The following TCHH variants were observed in gnomAD, a reference collection of about 807,000 sequenced individuals.
TCHH encodes trichohyalin.
Under a neutral mutation model 6.3 loss-of-function variants are expected in TCHH, and 6 were observed. That is an observed-to-expected ratio of 0.95 (90% CI 0.52 to 1.88). The LOEUF is 1.88. TCHH is among the 40% of genes most tolerant of loss of function. The pLI is 0.01. For synonymous variants in TCHH, 1,087 were observed against 963.6 expected (o/e 1.13, Z -2.37); for missense variants, 2,920 against 2,449.1 (o/e 1.19, Z -4.06).
At chr1:152,113,412 T>C (rs992103041) in intron 2 of TCHH, among the ~76,000 whole-genome samples, 4 of 152,210 alleles carry the variant, frequency 2.6e-5, no homozygotes, top group African/African-American at 9.7e-5. Flanking sequence ...TGAACTTGTG[T>C]GTAAAATTAA....
At chr1:152,113,813 A>G (rs1658446333) in intron 2 of TCHH, 130 bp downstream of exon 2, 2 of 1,046,666 alleles carry the variant, frequency 1.9e-6, no homozygotes, top group Non-Finnish European at 2.8e-6. Flanking sequence ...TCAGAAATGA[A>G]TGGGGGATGT....
chr1:152,107,948 G>A lies in TCHH; in HGVS notation c.5269C>T (p.Pro1757Ser), dbSNP rs780384897. 5 of 1,610,286 alleles carry A rather than the reference G, an allele frequency of 3.1e-6. No homozygotes were observed. The South Asian group carries it at 4.4e-5, about 14-fold the overall frequency. The change falls in exon 3 of 3, where the codon CCG (proline) becomes TCG (serine). Residue 1757 changes from proline to serine, a missense_variant. By Grantham distance (74) the Pro-to-Ser change is moderately conservative. Transcript: ENST00000614923. ...CGCAGCTGCTGTTCTTCCCTTTCCGGACGGAGCTGCTCTTCCTCTAGGATT... is the reference window on the plus strand; with the variant it reads ...CGCAGCTGCTGTTCTTCCCTTTCCGAACGGAGCTGCTCTTCCTCTAGGATT... ...RKILEEEQLR[P>S]EREEQQLRRQ...
At position 152,112,579 on chromosome 1, in the gene TCHH, C is replaced by A. The variant is rs1312622556; in HGVS notation, c.638G>T (p.Arg213Leu). The change falls in exon 3 of 3, where the codon CGG (arginine) becomes CTG (leucine). Residue 213 changes from arginine (R) to leucine (L), a missense_variant. Coordinates refer to ENST00000614923, the MANE Select transcript of TCHH (RefSeq NM_007113.4). ...EFPDEEQLRR[R>L]ELLELRRKGR... ...CTTCCTCCTCAGCTCCAGCAGCTCC[C>A]GCCTTCGCAGTTGCTCTTCGTCTGG... The A allele has an allele frequency of 6.2e-7, 1 of 1,613,588 alleles. No individual in the cohort carries two copies. The highest frequency in any genetic ancestry group is 8.5e-7 in the Non-Finnish European group (1 of 1,180,010).
rs1467468345 is a variant in TCHH, at chr1:152,109,486, C to T, written c.3731G>A (p.Gly1244Asp). ...CTGCCGGAACTGTTCATTCTCTCTG[C>T]CTTTGCAGTAAACCTTGTTATCACG... ...AVRDNKVYCK[G>D]RENEQFRQLE... The change falls in exon 3 of 3, where the codon GGC becomes GAC. Residue 1244 changes from glycine to aspartate, a missense_variant. Gly to Asp is a moderately conservative substitution (Grantham distance 94). Transcript: ENST00000614923. 10 of 1,614,160 alleles carry T rather than the reference C, an allele frequency of 6.2e-6. No individual in the cohort carries two copies. The highest frequency in any genetic ancestry group is 1.1e-5 in the South Asian group (1 of 91,094).
rs566287410 is a variant in TCHH at position 152,112,158 on chromosome 1, G to A, written c.1059C>T (p.Arg353=). ...QEERREQQLR[R]EQEEERREQQ... ...GCTCGCGCCTCTCCTCCTCCTGCTC[G>A]CGCCTCAGCTGCTGCTCGCGCCTCT... The change falls in exon 3 of 3, where the codon CGC becomes CGT. Residue 353 remains arginine (R), a synonymous_variant. Transcript: ENST00000614923. 4.9e-6 allele frequency: 7 copies of A among 1,415,472 alleles called. No homozygotes were observed. In the African/African-American group the frequency reaches 9.9e-5, roughly 20 times the overall value. The allele number at this position is 1,415,472 out of a possible 1,614,324, so 87.7% of individuals were successfully genotyped here.
rs757065975 is a variant in TCHH, at chr1:152,108,850, C to T, written c.4367G>A (p.Arg1456His). Residue 1456 changes from arginine (R) to histidine (H), a missense_variant, in exon 3 of 3, where the codon CGC becomes CAC. Arg to His is a conservative substitution (Grantham distance 29). Coordinates refer to ENST00000614923, the MANE Select transcript of TCHH (RefSeq NM_007113.4). ...GCGGAATTTTCTGTGACGCTCCTGG[C>T]GCAGCTGCTGTTCCTCCTCCAGGAA... The part of the protein sequence containing the change: ...RKFLEEEQQL[R>H]QERHRKFREE... 6.8e-6 allele frequency: 11 copies of T among 1,610,688 alleles called. No homozygotes were observed. The highest frequency in any genetic ancestry group is 7.6e-6 in the Non-Finnish European group (9 of 1,179,416).
Position 152,108,107 on chromosome 1 carries a change from C to T in TCHH, c.5110G>A (p.Glu1704Lys), listed in dbSNP as rs372287777. Residue 1704 changes from glutamate (E) to lysine (K), a missense_variant, in exon 3 of 3, where the codon GAA becomes AAA. Coordinates refer to ENST00000614923, the MANE Select transcript of TCHH (RefSeq NM_007113.4). Reference sequence around the variant, plus strand: ...TCCTGGAGGAATTTTCTCTCTCGTTCCTGACGGCGGAGCTGCTGTTCCTCT... The same window carrying T: ...TCCTGGAGGAATTTTCTCTCTCGTTTCTGACGGCGGAGCTGCTGTTCCTCT... ...REEEQQLRRQ[E>K]RERKFLQEEQ... The T allele has an allele frequency of 4.3e-6, 7 of 1,612,874 alleles. No individual in the cohort carries two copies. The highest frequency in any genetic ancestry group is 2.2e-5 in the East Asian group (1 of 44,788).
rs781094842 is a variant in TCHH, at chr1:152,109,365, CCT to C, written c.3850_3851del (p.Arg1284AlafsTer75). ...AATGCCTGTCGCGCTGCTGCCAGCG[CCT>C]CCTCTCTTGCTCACGATCTCGCTCT... ...QQERDREQER[R>X]RWQQRDRHFP... On this transcript the variant is annotated frameshift_variant, in exon 3 of 3. Transcript: ENST00000614923. LOFTEE classifies it low-confidence loss of function (END_TRUNC). 1.2e-5 allele frequency: 20 copies of C among 1,614,256 alleles called. No individual in the cohort carries two copies. The highest frequency in any genetic ancestry group is 1.6e-5 in the Non-Finnish European group (19 of 1,180,048).
At position 152,107,843 on chromosome 1, in the gene TCHH, C is replaced by A. The variant is rs985783454; in HGVS notation, c.5374G>T (p.Glu1792Ter). 6.2e-7 allele frequency: 1 copy of A among 1,613,966 alleles called. No individual in the cohort carries two copies. The highest frequency in any genetic ancestry group is 1.6e-4 in the Middle Eastern group (1 of 6,062). ...TCCTCGCGGAATTTTCTGTCAGACT[C>A]TTGGCTGCGCAGCTGCTGTTCCTCC... ...EREEQQLRSQESDRKFREEEQ... is the reference protein window; with the variant it reads ...EREEQQLRSQ The change falls in exon 3 of 3, where the codon GAG (glutamate) becomes TAG (stop). Residue 1792 changes from glutamate to a stop codon, truncating the protein, a stop_gained. Transcript: ENST00000614923. LOFTEE classifies it low-confidence loss of function (END_TRUNC).
In TCHH at chr1:152,109,076, G is replaced by A; in HGVS notation, c.4141C>T (p.Gln1381Ter). The A allele has an allele frequency of 1.2e-6, 2 of 1,613,054 alleles. No individual in the cohort carries two copies. Among genetic ancestry groups the A allele is most frequent in the South Asian group, 2.2e-5 (2 of 91,026 alleles). ...EQGRKFLEEE[Q>*]RLRRQERERK... is the part of the protein sequence containing the mutation. Reference sequence around the variant, plus strand: ...TCCCGTTCCTGGCGGCGCAGCCGCTGTTCCTCCTCGAGGAATTTTCTCCCT... The same window carrying A: ...TCCCGTTCCTGGCGGCGCAGCCGCTATTCCTCCTCGAGGAATTTTCTCCCT... Residue 1381 changes from glutamine (Q) to a stop codon, truncating the protein, a stop_gained, in exon 3 of 3, where the codon CAG (glutamine) becomes TAG (stop). Coordinates refer to ENST00000614923, the MANE Select transcript of TCHH (RefSeq NM_007113.4). LOFTEE classifies it low-confidence loss of function (END_TRUNC).
rs1183776958 is a variant in TCHH at position 152,111,198 on chromosome 1, C to T, written c.2019G>A (p.Lys673=). 2.5e-6 allele frequency: 4 copies of T among 1,612,024 alleles called. No homozygotes were observed. Among genetic ancestry groups the T allele is most frequent in the African/African-American group, 2.7e-5 (2 of 74,508 alleles). ...CGCGCCTCTCTTCCTCATGCTCGCG[C>T]TTCAGCCGCTGCTCGAGCCTCTCTT... ...EEEERLEQRL[K]REHEEERREQ... The change falls in exon 3 of 3, where the codon AAG becomes AAA. Residue 673 remains lysine, a synonymous_variant. Coordinates refer to ENST00000614923, the MANE Select transcript of TCHH (RefSeq NM_007113.4).
In TCHH at chr1:152,112,648, T is replaced by A; in HGVS notation, c.569A>T (p.Glu190Val). 2 of 1,614,032 alleles carry A rather than the reference T, an allele frequency of 1.2e-6. No individual in the cohort carries two copies. The highest frequency in any genetic ancestry group is 1.7e-6 in the Non-Finnish European group (2 of 1,180,036). The change falls in exon 3 of 3, where the codon GAA (glutamate) becomes GTA (valine). Residue 190 changes from glutamate (E) to valine (V), a missense_variant. Physicochemically the swap from Glu to Val is moderately radical, Grantham distance 121. Transcript: ENST00000614923. ...ACCTTTGCAACTCTGCAGCTGCTCT[T>A]CCTCTGCACGGCGCTCTTCCCGTTC... ...WQEREERRAE[E>V]EQLQSCKGHE...
At position 152,111,362 on chromosome 1, in the gene TCHH, GCTGCTCGCGCCTCTCCTC is replaced by G; in HGVS notation, c.1837_1854del (p.Glu613_Gln618del). ...TCCTCCGGCTCCTCGCGCTTCAGCC[GCTGCTCGCGCCTCTCCTC>G]CTGCTCGAGTCTCTCCACCTCCTCG... On this transcript the variant is annotated inframe_deletion, in exon 3 of 3. Transcript: ENST00000614923. 6.2e-7 allele frequency: 1 copy of G among 1,603,986 alleles called. No individual in the cohort carries two copies. The highest frequency in any genetic ancestry group is 2.3e-5 in the East Asian group (1 of 44,370).
Position 152,112,402 on chromosome 1 carries a change from T to C in TCHH, c.815A>G (p.Gln272Arg). ...EEEPQRQREL[Q>R]EEEEQLRKLE... is the part of the protein sequence containing the mutation. ...CTTCCGTAGCTGCTCTTCTTCCTCC[T>C]GGAGCTCTCTTTGCCGCTGCGGCTC... The change falls in exon 3 of 3, where the codon CAG (glutamine) becomes CGG (arginine). Residue 272 changes from glutamine to arginine, a missense_variant. By Grantham distance (43) the Gln-to-Arg change is conservative (BLOSUM62 1). Transcript: ENST00000614923. 1 of 1,613,848 alleles carries C rather than the reference T, an allele frequency of 6.2e-7. No individual in the cohort carries two copies. The highest frequency in any genetic ancestry group is 8.5e-7 in the Non-Finnish European group (1 of 1,180,000).
chr1:152,114,283 G>A (rs1013337684), intron 1 of TCHH, among the ~76,000 whole-genome samples, 172 bp from the exon 2 acceptor site: 2 of 152,150 alleles, frequency 1.3e-5, no homozygotes, highest in Non-Finnish European at 2.9e-5. Context: ...GAGAAAGAGC[G>A]ATCCTGAGAA....
rs1220225777 is a variant in TCHH, at chr1:152,110,409, C to T, written c.2808G>A (p.Leu936=). 6.2e-7 allele frequency: 1 copy of T among 1,613,940 alleles called. No homozygotes were observed. Among genetic ancestry groups the T allele is most frequent in the Non-Finnish European group, 8.5e-7 (1 of 1,180,022 alleles). ...TCAGCAGCTGCTCTTCCTCCTGCTGCAGCTGCTCTTCCTCGCGGTATTGTC... is the reference window on the plus strand; with the variant it reads ...TCAGCAGCTGCTCTTCCTCCTGCTGTAGCTGCTCTTCCTCGCGGTATTGTC... The part of the protein sequence containing the change: ...QERQYREEEQ[L]QQEEEQLLRE... Residue 936 remains leucine, a synonymous_variant, in exon 3 of 3, where the codon CTG becomes CTA. Coordinates refer to ENST00000614923, the MANE Select transcript of TCHH (RefSeq NM_007113.4).
At position 152,107,702 on chromosome 1, in the gene TCHH, G is replaced by C; in HGVS notation, c.5515C>G (p.Gln1839Glu). 1 of 1,614,184 alleles carries C rather than the reference G, an allele frequency of 6.2e-7. No homozygotes were observed. Among genetic ancestry groups the C allele is most frequent in the Non-Finnish European group, 8.5e-7 (1 of 1,180,038 alleles). ...QLEEQEQRLRQERDRQYRAEE... is the reference protein window; with the variant it reads ...QLEEQEQRLREERDRQYRAEE... The stretch of plus-strand genomic sequence containing the variant: ...GCCCGGTACTGCCGGTCTCGCTCCT[G>C]CCGCAGCCTCTGCTCTTGTTCCTCA... Residue 1839 changes from glutamine to glutamate, a missense_variant, in exon 3 of 3, where the codon CAG becomes GAG. Coordinates refer to ENST00000614923, the MANE Select transcript of TCHH (RefSeq NM_007113.4).
intron 1 of TCHH, 117 bp from the exon 2 acceptor site, chr1:152,114,228 C>T: frequency 1.4e-6 from 1 of 697,202 alleles, no homozygotes; most frequent in Non-Finnish European, 2.3e-6. Context: ...GTAATTTCAA[C>T]CTGGACTTTC....
rs754998798 is a variant in TCHH, at chr1:152,108,351, G to C, written c.4866C>G (p.Arg1622=). 4 of 1,606,348 alleles carry C rather than the reference G, an allele frequency of 2.5e-6. No homozygotes were observed. Among genetic ancestry groups the C allele is most frequent in the Non-Finnish European group, 2.5e-6 (3 of 1,177,708 alleles). Reference sequence around the variant, plus strand: ...TTTCCTGGAGCAGCTGTTCGTCTTCGCGGAATTTTCTGTCGCGCTCCTGGC... The same window carrying C: ...TTTCCTGGAGCAGCTGTTCGTCTTCCCGGAATTTTCTGTCGCGCTCCTGGC... The part of the protein sequence containing the change: ...QLRQERDRKF[R]EDEQLLQERE... Residue 1622 remains arginine, a synonymous_variant, in exon 3 of 3, where the codon CGC becomes CGG. Coordinates refer to ENST00000614923, the MANE Select transcript of TCHH (RefSeq NM_007113.4).
Sources: allele counts gnomAD v4.1 joint callset (sites outside exome capture counted in the v4.1 genomes callset), GRCh38; gene constraint gnomAD v4.1.1; transcripts MANE v1.5; gene names NCBI Gene and HGNC (gene_info 2026-07-23, HGNC 2026-07-21).